Variants in APPL2 observed in about 807,000 individuals in gnomAD.
APPL2 encodes the protein adaptor protein, phosphotyrosine interacting with PH domain and leucine zipper 2, also known as DCC-interacting protein 13-beta.
In APPL2, 84 loss-of-function variants were observed where a neutral mutation model predicts 92.7. That is an observed-to-expected ratio of 0.91 (90% CI 0.76 to 1.09). The LOEUF (loss-of-function observed/expected upper bound fraction) is 1.09. Ranked by LOEUF, APPL2 falls within the 50% of genes least tolerant of loss-of-function variation. The pLI, the probability that APPL2 is intolerant of heterozygous loss-of-function variation, is 0.00. For synonymous variants in APPL2, 291 were observed against 291.0 expected (o/e 1.00, Z 0.00); for missense variants, 736 against 824.5 (o/e 0.89, Z 1.31).
Position 105,207,175 on chromosome 12 carries a change from C to G in APPL2, c.507G>C (p.Ala169=). ...AGGAGAGGTGCTGCTTCCGCCGGGC[C>G]GCGGCCACCTCTTTTCCGACTTCGG... ...VKTEVGKEVA[A]ARRKQHLSSL... is the part of the protein sequence containing the mutation. The change falls in exon 8 of 21, where the codon GCG becomes GCC. Residue 169 remains alanine, a synonymous_variant. Transcript: ENST00000258530. 1 of 1,613,882 alleles carries G rather than the reference C, an allele frequency of 6.2e-7. No individual in the cohort carries two copies. Among genetic ancestry groups the G allele is most frequent in the East Asian group, 2.2e-5 (1 of 44,884 alleles).
intron 1 of APPL2, among the ~76,000 whole-genome samples, chr12:105,233,788 T>G (rs1202337499): frequency 6.6e-6 from 1 of 152,242 alleles, no homozygotes; most frequent in Non-Finnish European, 1.5e-5. Context: ...TCTCTGCTCC[T>G]TAGTTATTTA....
intron 2 of APPL2, among the ~76,000 whole-genome samples, chr12:105,228,545 T>A (rs184665580): frequency 1.3e-5 from 2 of 152,348 alleles, no homozygotes. Context: ...TATTTTTAAG[T>A]AACTCATAAA....
chr12:105,191,700 T>C (rs1331835013), intron 14 of APPL2, among the ~76,000 whole-genome samples: 2 of 152,230 alleles, frequency 1.3e-5, no homozygotes, highest in South Asian at 4.1e-4. Flanking sequence ...TCAGCTCTAA[T>C]GGACACTTCG....
At chr12:105,198,764 A>C (rs1887884119) in intron 10 of APPL2, among the ~76,000 whole-genome samples, 1 of 152,242 alleles carries the variant, frequency 6.6e-6, no homozygotes, top group Non-Finnish European at 1.5e-5. Context: ...AGGTGCAGTT[A>C]TCAGCTCCAT....
At position 105,197,946 on chromosome 12, in the gene APPL2, C is replaced by G; in HGVS notation, c.871G>C (p.Gly291Arg). Residue 291 changes from glycine to arginine, a missense_variant, in exon 11 of 21, where the codon GGG becomes CGG. Transcript: ENST00000258530. Reference sequence around the variant, plus strand: ...CTCTCCCAGGTGGTGGTGACCAGCCCTGTTTTGCTGTGAGTTGTGTTTTAA... The same window carrying G: ...CTCTCCCAGGTGGTGGTGACCAGCCGTGTTTTGCTGTGAGTTGTGTTTTAA... ...AGYLNLRNKT[G>R]LVTTTWERLY... 1 of 1,613,690 alleles carries G rather than the reference C, an allele frequency of 6.2e-7. No individual in the cohort carries two copies. The highest frequency in any genetic ancestry group is 8.5e-7 in the Non-Finnish European group (1 of 1,179,806).
At chr12:105,175,928 G>T in intron 20 of APPL2, 107 bp downstream of exon 20, 1 of 1,106,666 alleles carries the variant, frequency 9.0e-7, no homozygotes, top group South Asian at 1.6e-5. Context: ...TCCCAAACTT[G>T]GCCACACTTT....
Position 105,195,268 on chromosome 12 carries a change from A to G in APPL2, c.1234T>C (p.Cys412Arg), listed in dbSNP as rs750736519. The G allele has an allele frequency of 6.2e-7, 1 of 1,614,188 alleles. No homozygotes were observed. The highest frequency in any genetic ancestry group is 1.1e-5 in the South Asian group (1 of 91,084). The change falls in exon 14 of 21, where the codon TGC becomes CGC. Residue 412 changes from cysteine (C) to arginine (R), a missense_variant. Coordinates refer to ENST00000258530, the MANE Select transcript of APPL2 (RefSeq NM_018171.5). ...TCTTTGTCCTTTAGTTACCTGGGGCATGAGCTTTCTTGTTTTTTTCCAAAA... is the reference window on the plus strand; with the variant it reads ...TCTTTGTCCTTTAGTTACCTGGGGCGTGAGCTTTCTTGTTTTTTTCCAAAA... ...TSFGKKQESSCPSQNLKNSEM... is the reference protein window; with the variant it reads ...TSFGKKQESSRPSQNLKNSEM...
chr12:105,175,664 A>G (rs60230439), intron 20 of APPL2, among the ~76,000 whole-genome samples: 3,680 of 152,292 alleles, frequency 0.024, 128 homozygotes, highest in African/African-American at 0.07. Flanking sequence ...TCATTTCTTA[A>G]AAGCTCCCAG....
chr12:105,202,892 T>C (rs1423373878), intron 9 of APPL2, among the ~76,000 whole-genome samples: 1 of 152,244 alleles, frequency 6.6e-6, no homozygotes, highest in Non-Finnish European at 1.5e-5. Flanking sequence ...TTCCCTTGTT[T>C]AGCCTTCATG....
chr12:105,215,472 CG>C (rs1889605498), intron 4 of APPL2, among the ~76,000 whole-genome samples: 1 of 152,112 alleles, frequency 6.6e-6, no homozygotes, highest in Non-Finnish European at 1.5e-5. Flanking sequence ...AATCATATGA[CG>C]TGTTCACTTT....
chr12:105,173,502 C>T lies in APPL2; in HGVS notation c.*812G>A. 6.6e-6 allele frequency: 1 copy of T among 152,538 alleles called. No homozygotes were observed. Among genetic ancestry groups the T allele is most frequent in the East Asian group, 1.9e-4 (1 of 5,188 alleles). 9.4% of individuals were successfully genotyped at this position (152,538 alleles called of 1,614,324 possible). ...GGAACTTTATACCAAGCCCCATGAC[C>T]AGCTGTGCTTCAAGTGAGTTTTAAA... is the stretch of plus-strand genomic sequence containing the variant. On this transcript the variant is annotated 3_prime_UTR_variant, in exon 21 of 21. Transcript: ENST00000258530.
chr12:105,195,821 G>A (rs1887591926), intron 11 of APPL2, among the ~76,000 whole-genome samples, 194 bp from the exon 12 acceptor site: 1 of 152,212 alleles, frequency 6.6e-6, no homozygotes. Context: ...TTGGGAAGGT[G>A]AGGCAGGAGG....
chr12:105,223,598 T>A (rs1890282714), intron 2 of APPL2, among the ~76,000 whole-genome samples: 2 of 152,178 alleles, frequency 1.3e-5, no homozygotes, highest in Admixed American at 1.3e-4. Flanking sequence ...CAGCCTCCCA[T>A]GCAAAGTGGA....
chr12:105,188,128 G>C lies in APPL2; in HGVS notation c.1634+145C>G, dbSNP rs1044714686. ...TTGTCTCTAAGGGAGCACTTTCTAG[G>C]CTATCTATCTTATGTAAAAAGTAGT... On this transcript the variant is annotated intron_variant, in intron 17 of 20. Coordinates refer to ENST00000258530, the MANE Select transcript of APPL2 (RefSeq NM_018171.5). 3 of 869,926 alleles carry C rather than the reference G, an allele frequency of 3.4e-6. No homozygotes were observed. The African/African-American group carries it at 5.1e-5, about 15-fold the overall frequency. 53.9% of individuals were successfully genotyped at this position (869,926 alleles called of 1,614,324 possible).
rs748326898 is a variant in APPL2, at chr12:105,208,195, T to C, written c.378A>G (p.Val126=). The change falls in exon 6 of 21, where the codon GTA becomes GTG. Residue 126 remains valine, a synonymous_variant. Transcript: ENST00000258530. ...IQFREKDLTE[V]STLKDLFGLA... ...GTCCAAATAGATCCTTTAAAGTGCT[T>C]ACTTCTGAAAAGGAGAAAAGGGACC... is the stretch of plus-strand genomic sequence containing the variant. 6.8e-6 allele frequency: 11 copies of C among 1,614,074 alleles called. No homozygotes were observed. In the South Asian group the frequency reaches 1.1e-4, roughly 16 times the overall value.
At chr12:105,231,285 G>A (rs966962566) in intron 1 of APPL2, among the ~76,000 whole-genome samples, 4 of 152,088 alleles carry the variant, frequency 2.6e-5, no homozygotes, top group African/African-American at 9.7e-5. Flanking sequence ...CAGACTGGAA[G>A]AAAAGAGGTA....
At chr12:105,217,582 G>T in intron 3 of APPL2, 84 bp downstream of exon 3, 1 of 1,273,482 alleles carries the variant, frequency 7.9e-7, no homozygotes. Context: ...AAATAATTTA[G>T]GTCTCTAAGG....
intron 10 of APPL2, 38 bp from the exon 11 acceptor site, chr12:105,197,991 A>T: frequency 1.3e-6 from 2 of 1,594,646 alleles, no homozygotes; most frequent in Non-Finnish European, 1.7e-6. Context: ...TAGTACCAGA[A>T]AGCACCAGCG....
At chr12:105,216,294 C>G (rs2136043525) in intron 4 of APPL2, among the ~76,000 whole-genome samples, 1 of 152,070 alleles carries the variant, frequency 6.6e-6, no homozygotes, top group Middle Eastern at 3.4e-3. Context: ...CAGGAGGATC[C>G]TTTGAGGCCA....
Sources: gnomAD v4.1 joint callset for allele counts (sites outside exome capture counted in the v4.1 genomes callset) on GRCh38, gnomAD v4.1.1 for gene constraint, MANE v1.5 for transcripts, NCBI Gene and HGNC (gene_info 2026-07-23, HGNC 2026-07-21) for gene names.